NRG3: variants seen among roughly 807,000 people sequenced by gnomAD.
The protein encoded by NRG3 is neuregulin 3, also known as pro-neuregulin-3, membrane-bound isoform.
A neutral mutation model predicts 66.9 loss-of-function variants in NRG3; 31 were observed. The ratio of observed to expected loss-of-function variants is 0.46; its 90% CI spans 0.35 to 0.63. NRG3 has a LOEUF of 0.63. NRG3 is among the 20% of genes least tolerant of loss of function. NRG3 has a pLI of 0.00. For missense variants in NRG3, 910 were observed against 878.9 expected (o/e 1.04, Z -0.45); for synonymous variants, 393 against 359.4 (o/e 1.09, Z -1.06).
At chr10:82,311,819 A>G (rs1320513241) in intron 1 of NRG3, among the ~76,000 whole-genome samples, 1 of 152,162 alleles carries the variant, frequency 6.6e-6, no homozygotes, top group Non-Finnish European at 1.5e-5. Context: ...TTTGCCCACA[A>G]TCATTCAAGT....
At chr10:82,218,595 A>G (rs1222717935) in intron 1 of NRG3, among the ~76,000 whole-genome samples, 1 of 152,122 alleles carries the variant, frequency 6.6e-6, no homozygotes, top group Non-Finnish European at 1.5e-5. Context: ...TACAGCCCAG[A>G]ACTTCCAGCC....
chr10:82,571,806 A>G (rs1016191318), intron 2 of NRG3, among the ~76,000 whole-genome samples: 1 of 151,716 alleles, frequency 6.6e-6, no homozygotes, highest in East Asian at 1.9e-4. Flanking sequence ...ATGGTGAATA[A>G]CTAGTGATTA....
At chr10:82,753,864 T>C (rs915136340) in intron 3 of NRG3, among the ~76,000 whole-genome samples, 2 of 151,812 alleles carry the variant, frequency 1.3e-5, no homozygotes, top group African/African-American at 4.8e-5. Context: ...GGAGAATTGC[T>C]TGAGCCAGGG....
intron 3 of NRG3, among the ~76,000 whole-genome samples, chr10:82,808,507 G>T (rs1169693722): frequency 2.0e-5 from 3 of 151,874 alleles, no homozygotes; most frequent in Non-Finnish European, 4.4e-5. Context: ...ATATTTTTAT[G>T]ATAATATAAA....
intron 1 of NRG3, among the ~76,000 whole-genome samples, chr10:82,295,827 A>G (rs573562234): frequency 2.0e-5 from 3 of 152,216 alleles, no homozygotes; most frequent in Non-Finnish European, 4.4e-5. Flanking sequence ...GAATTTATTT[A>G]CTAATTCAAC....
intron 3 of NRG3, among the ~76,000 whole-genome samples, chr10:82,783,808 A>G (rs1177721214): frequency 2.6e-5 from 4 of 152,198 alleles, no homozygotes; most frequent in Non-Finnish European, 5.9e-5. Flanking sequence ...CTTCAATGCC[A>G]TCCCTATCAA....
At chr10:82,149,123 A>C (rs2070497852) in intron 1 of NRG3, among the ~76,000 whole-genome samples, 1 of 152,100 alleles carries the variant, frequency 6.6e-6, no homozygotes, top group Non-Finnish European at 1.5e-5. Context: ...AATTATAAAA[A>C]ATAATTCAGT....
intron 3 of NRG3, among the ~76,000 whole-genome samples, chr10:82,825,303 C>G (rs2062149497): frequency 6.6e-6 from 1 of 152,130 alleles, no homozygotes; most frequent in African/African-American, 2.4e-5. Context: ...ATAATTTCAG[C>G]TCTTATATTT....
At chr10:81,899,721 T>G (rs1339597495) in intron 1 of NRG3, among the ~76,000 whole-genome samples, 1 of 152,186 alleles carries the variant, frequency 6.6e-6, no homozygotes, top group Non-Finnish European at 1.5e-5. Context: ...TGGCCCCTGT[T>G]GACTCCGTGG....
intron 3 of NRG3, among the ~76,000 whole-genome samples, chr10:82,813,814 C>T (rs188768546): frequency 2.0e-5 from 3 of 152,186 alleles, no homozygotes; most frequent in East Asian, 1.9e-4. Context: ...TATATTGAAG[C>T]GATCTTTCCA....
chr10:82,058,541 A>G (rs1241566081), intron 1 of NRG3, among the ~76,000 whole-genome samples: 1 of 150,762 alleles, frequency 6.6e-6, no homozygotes, highest in Non-Finnish European at 1.5e-5. Context: ...TCAACTTTCT[A>G]TTATATTCTA....
intron 4 of NRG3, among the ~76,000 whole-genome samples, chr10:82,911,721 A>T (rs2131976860): frequency 6.6e-6 from 1 of 150,746 alleles, no homozygotes; most frequent in South Asian, 2.1e-4. Flanking sequence ...TTCTTTATTG[A>T]TTTCCTGTTT....
At position 81,994,042 on chromosome 10, in the gene NRG3, A is replaced by G. The variant is rs150635719; in HGVS notation, c.823+117879A>G. Among the ~76,000 whole-genome samples, 326 of 152,292 alleles carry G rather than the reference A, an allele frequency of 2.1e-3. 1 individual carries two copies. Among genetic ancestry groups the G allele is most frequent in the African/African-American group, 6.9e-3 (285 of 41,564 alleles). ...AAACTGTATTTTACCAAACGTACGA[A>G]AAATGTAATTGCTGGGTCAAAGAAT... On this transcript the variant is annotated intron_variant, in intron 1 of 8. Transcript: ENST00000372141.
At chr10:82,556,690 A>T (rs572516889) in intron 2 of NRG3, among the ~76,000 whole-genome samples, 4 of 152,276 alleles carry the variant, frequency 2.6e-5, no homozygotes, top group South Asian at 2.1e-4. Context: ...TGTGTTACAT[A>T]GGTAATCTCC....
chr10:82,842,348 A>T (rs1364335927), intron 3 of NRG3, among the ~76,000 whole-genome samples: 1 of 152,228 alleles, frequency 6.6e-6, no homozygotes, highest in Non-Finnish European at 1.5e-5. Context: ...TTACCGAATG[A>T]TCAATACACA....
intron 1 of NRG3, among the ~76,000 whole-genome samples, chr10:82,095,575 C>G (rs1170126714): frequency 6.6e-6 from 1 of 152,154 alleles, no homozygotes; most frequent in African/African-American, 2.4e-5. Flanking sequence ...TCTGAGAATT[C>G]TCACCGATAT....
chr10:82,425,694 C>G (rs1053654703), intron 2 of NRG3, among the ~76,000 whole-genome samples: 4 of 152,014 alleles, frequency 2.6e-5, no homozygotes, highest in African/African-American at 9.7e-5. Context: ...GAACATTAGT[C>G]TTTGATTGAG....
Position 82,494,457 on chromosome 10 carries a change from T to TTGTGTG in NRG3, c.953+135593_953+135598dup, listed in dbSNP as rs576494157. ...ATTCCTTCCACTATAGCTTTTGAGG[T>TTGTGTG]TGTGTGTGTATGTGTAAGTGCGAAT... On this transcript the variant is annotated intron_variant, in intron 2 of 8. Coordinates refer to ENST00000372141, the MANE Select transcript of NRG3 (RefSeq NM_001010848.4). Among the ~76,000 whole-genome samples the TTGTGTG allele has an allele frequency of 2.6e-3, 396 of 152,028 alleles. 1 individual carries two copies. The highest frequency in any genetic ancestry group is 9.1e-3 in the African/African-American group (378 of 41,508).
intron 2 of NRG3, among the ~76,000 whole-genome samples, chr10:82,715,182 G>T (rs1252033647): frequency 2.0e-5 from 3 of 152,096 alleles, no homozygotes; most frequent in African/African-American, 7.2e-5. Flanking sequence ...ATCGCTTGAG[G>T]CCAGGAGTTC....
Sources: gnomAD v4.1 joint callset for allele counts (sites outside exome capture counted in the v4.1 genomes callset) on GRCh38, gnomAD v4.1.1 for gene constraint, MANE v1.5 for transcripts, NCBI Gene and HGNC (gene_info 2026-07-23, HGNC 2026-07-21) for gene names.